Variants in UBAC2 observed in about 807,000 individuals in gnomAD.
The protein encoded by UBAC2 is UBA domain containing 2.
A neutral mutation model predicts 44.0 loss-of-function variants in UBAC2; 26 were observed. The observed-to-expected ratio is 0.59, with a 90% CI of 0.43 to 0.82. UBAC2 has a LOEUF of 0.82. Ranked by LOEUF, UBAC2 falls within the 40% of genes least tolerant of loss-of-function variation. UBAC2 has a pLI of 0.00. For missense variants in UBAC2, 329 were observed against 419.4 expected (o/e 0.78, Z 1.88); for synonymous variants, 155 against 154.3 (o/e 1.00, Z -0.04).
chr13:99,306,665 T>C (rs538895113), intron 4 of UBAC2, among the ~76,000 whole-genome samples: 1 of 152,300 alleles, frequency 6.6e-6, no homozygotes, highest in South Asian at 2.1e-4. Context: ...TAGAATTCAT[T>C]GTGATTTTTT....
intron 1 of UBAC2, among the ~76,000 whole-genome samples, chr13:99,235,652 A>G (rs9557180): frequency 0.29 from 44,715 of 152,132 alleles, 6,915 homozygotes; most frequent in Middle Eastern, 0.44. Context: ...GCAAGAACAT[A>G]CAATGGAGAA....
At chr13:99,249,296 A>G (rs1046777358) in intron 4 of UBAC2, among the ~76,000 whole-genome samples, 6 of 150,936 alleles carry the variant, frequency 4.0e-5, no homozygotes, top group African/African-American at 1.5e-4. Context: ...GTGGCATTTG[A>G]TTTTCTGTTC....
At chr13:99,245,210 A>T (rs189817876) in intron 4 of UBAC2, among the ~76,000 whole-genome samples, 25 of 152,310 alleles carry the variant, frequency 1.6e-4, no homozygotes, top group Middle Eastern at 3.4e-3. Context: ...TGATAGAATT[A>T]GTTTTGTGTG....
intron 2 of UBAC2, among the ~76,000 whole-genome samples, chr13:99,241,367 A>G (rs924459767): frequency 1.3e-5 from 2 of 152,210 alleles, no homozygotes; most frequent in African/African-American, 4.8e-5. Context: ...ATTAACAGAT[A>G]CATGGATAAA....
intron 2 of UBAC2, among the ~76,000 whole-genome samples, chr13:99,242,402 G>A (rs370330640): frequency 0.11 from 15,688 of 140,192 alleles, 549 homozygotes; most frequent in East Asian, 0.25. Flanking sequence ...CAGTAGGGGC[G>A]GCCGGGCAGA....
At chr13:99,255,042 G>A (rs2043519631) in intron 4 of UBAC2, 11 of 1,614,028 alleles carry the variant, frequency 6.8e-6, no homozygotes, top group Non-Finnish European at 8.5e-6. Context: ...GACACGTGCT[G>A]AGGTTCATGA....
At chr13:99,256,037 G>A (rs1389154791) in intron 4 of UBAC2, 7 of 594,680 alleles carry the variant, frequency 1.2e-5, no homozygotes, top group East Asian at 3.0e-5. Flanking sequence ...CGATTCAACT[G>A]GTTAACTACT....
intron 7 of UBAC2, among the ~76,000 whole-genome samples, chr13:99,355,378 GC>G (rs2045162550): frequency 2.0e-5 from 3 of 152,168 alleles, no homozygotes; most frequent in Non-Finnish European, 4.4e-5. Context: ...CTCAGTCCTC[GC>G]TGTGTGGCCC....
intron 7 of UBAC2, among the ~76,000 whole-genome samples, chr13:99,356,726 C>T (rs2045190196): frequency 6.6e-6 from 1 of 152,234 alleles, no homozygotes; most frequent in Non-Finnish European, 1.5e-5. Context: ...ATGGGTGGCA[C>T]TTCACATGAC....
chr13:99,237,128 A>G (rs926515829), intron 1 of UBAC2, among the ~76,000 whole-genome samples: 14 of 152,152 alleles, frequency 9.2e-5, no homozygotes, highest in African/African-American at 2.2e-4. Flanking sequence ...GTGTCCATCA[A>G]TGCAGATGTG....
intron 4 of UBAC2, among the ~76,000 whole-genome samples, chr13:99,274,410 G>A (rs1420522407): frequency 2.7e-5 from 4 of 148,346 alleles, no homozygotes; most frequent in Admixed American, 1.3e-4. Context: ...CAGCAGCCTC[G>A]ACCTCCTGGG....
At chr13:99,238,364 C>T (rs769391499) in intron 1 of UBAC2, 63 bp from the exon 2 acceptor site, 89 of 1,559,134 alleles carry the variant, frequency 5.7e-5, no homozygotes, top group Non-Finnish European at 7.1e-5. Context: ...TTGCTTTTCA[C>T]GCATGTGGTT....
rs184960458 is a variant in UBAC2 at position 99,332,578 on chromosome 13, G to A, written c.562-7742G>A. Among the ~76,000 whole-genome samples, 1,079 of 152,292 alleles carry A rather than the reference G, an allele frequency of 7.1e-3. 5 individuals are homozygous for A. The highest frequency in any genetic ancestry group is 0.02 in the Middle Eastern group (6 of 294). ...TGGCCTAGACTCTCAGCTGGACGTG[G>A]GCCAGGGGTTCTCTGGTTGCGTGAC... is the stretch of plus-strand genomic sequence containing the variant. On this transcript the variant is annotated intron_variant, in intron 6 of 8. Transcript: ENST00000403766.
intron 4 of UBAC2, among the ~76,000 whole-genome samples, chr13:99,306,255 C>T (rs1168141114): frequency 6.6e-6 from 1 of 152,046 alleles, no homozygotes; most frequent in Non-Finnish European, 1.5e-5. Flanking sequence ...CCCTCTGGTA[C>T]GTCAGTGGCC....
intron 1 of UBAC2, among the ~76,000 whole-genome samples, chr13:99,232,397 G>C (rs2043182575): frequency 1.2e-5 from 1 of 82,256 alleles, no homozygotes; most frequent in African/African-American, 3.5e-5. Context: ...CCTTAGTTGA[G>C]AGATATAGAT....
intron 8 of UBAC2, among the ~76,000 whole-genome samples, chr13:99,381,024 A>G (rs2045543643): frequency 6.6e-6 from 1 of 152,248 alleles, no homozygotes; most frequent in Non-Finnish European, 1.5e-5. Flanking sequence ...TTAGTTGTCA[A>G]AACCAGCACC....
Position 99,232,405 on chromosome 13 carries a change from G to GATATATATAT in UBAC2, c.32-6015_32-6006dup, listed in dbSNP as rs145868043. Among the ~76,000 whole-genome samples the GATATATATAT allele has an allele frequency of 4.2e-4, 49 of 117,860 alleles. 1 individual carries two copies. Among genetic ancestry groups the GATATATATAT allele is most frequent in the Non-Finnish European group, 8.8e-4 (47 of 53,686 alleles). The allele number at this position is 117,860 out of a possible 152,430, so 77.3% of individuals were successfully genotyped here. A position where few individuals can be genotyped will look rare whatever the true frequency, so the allele number is the denominator to read the frequency against. On this transcript the variant is annotated intron_variant, in intron 1 of 8. Transcript: ENST00000403766. ...TGTCCATCCTTAGTTGAGAGATATA[G>GATATATATAT]ATATATATATATATATTCACACACA...
At chr13:99,213,945 A>G (rs1253136998) in intron 1 of UBAC2, among the ~76,000 whole-genome samples, 3 of 151,892 alleles carry the variant, frequency 2.0e-5, no homozygotes, top group Admixed American at 2.0e-4. Context: ...TCAGCCTTCT[A>G]GTAGCTGGGA....
In UBAC2 at chr13:99,370,677, C is replaced by T. The variant is rs143380938; in HGVS notation, c.927+2771C>T. Among the ~76,000 whole-genome samples, 104 of 152,346 alleles carry T rather than the reference C, an allele frequency of 6.8e-4. 1 individual carries two copies. The highest frequency in any genetic ancestry group is 2.2e-3 in the African/African-American group (93 of 41,580). Reference sequence around the variant, plus strand: ...TGCCCCTGGGCAGGGATCTCATAGCCACCCATGGGTAAGGCTGTGACAGGT... The same window carrying T: ...TGCCCCTGGGCAGGGATCTCATAGCTACCCATGGGTAAGGCTGTGACAGGT... On this transcript the variant is annotated intron_variant, in intron 8 of 8. Coordinates refer to ENST00000403766, the MANE Select transcript of UBAC2 (RefSeq NM_001144072.2).
Sources: allele counts gnomAD v4.1 joint callset (sites outside exome capture counted in the v4.1 genomes callset), GRCh38; gene constraint gnomAD v4.1.1; transcripts MANE v1.5; gene names NCBI Gene and HGNC (gene_info 2026-07-23, HGNC 2026-07-21).